The following CHRM3 variants were observed in gnomAD, a reference collection of about 807,000 sequenced individuals.
CHRM3 encodes muscarinic acetylcholine receptor M3.
A neutral mutation model predicts 41.8 loss-of-function variants in CHRM3; 11 were observed. The ratio of observed to expected loss-of-function variants is 0.26; its 90% CI spans 0.17 to 0.44. The LOEUF (loss-of-function observed/expected upper bound fraction) is 0.44, where lower values mean the gene tolerates loss of function less well. Ranked by LOEUF, CHRM3 falls within the 20% of genes least tolerant of loss-of-function variation. CHRM3 has a pLI of 1.00. For synonymous variants in CHRM3, 297 were observed against 301.4 expected, an observed-to-expected ratio of 0.99 and a Z score of 0.15; for missense variants, 571 against 745.4, an observed-to-expected ratio of 0.77 and a Z score of 2.72.
intron 1 of CHRM3, among the ~76,000 whole-genome samples, chr1:239,435,309 G>A (rs1398788962): frequency 6.6e-6 from 1 of 152,052 alleles, no homozygotes; most frequent in Non-Finnish European, 1.5e-5. Context: ...AATCAGCCGG[G>A]TGTGGTGGCG....
At chr1:239,562,615 C>T (rs1370309219) in intron 3 of CHRM3, among the ~76,000 whole-genome samples, 1 of 152,020 alleles carries the variant, frequency 6.6e-6, no homozygotes, top group Non-Finnish European at 1.5e-5. Flanking sequence ...TTGGGTCAGG[C>T]TTGGTGGCTC....
intron 3 of CHRM3, among the ~76,000 whole-genome samples, chr1:239,627,147 G>C (rs1229907953): frequency 4.5e-5 from 3 of 66,062 alleles, no homozygotes. Flanking sequence ...AAGTCTCTTT[G>C]TAGGTCACTC....
intron 2 of CHRM3, among the ~76,000 whole-genome samples, chr1:239,526,580 A>C (rs80048190): frequency 0.015 from 2,267 of 152,276 alleles, 43 homozygotes; most frequent in African/African-American, 0.044. Flanking sequence ...TGGCCTCAGC[A>C]AGCACACTGC....
At chr1:239,607,495 G>C (rs1001489656) in intron 3 of CHRM3, among the ~76,000 whole-genome samples, 1 of 151,992 alleles carries the variant, frequency 6.6e-6, no homozygotes, top group Non-Finnish European at 1.5e-5. Flanking sequence ...ACGTGCTTAC[G>C]AGACTGAAAT....
intron 1 of CHRM3, among the ~76,000 whole-genome samples, chr1:239,410,496 C>A (rs12129068): frequency 0.01 from 1,591 of 152,286 alleles, 14 homozygotes; most frequent in Non-Finnish European, 0.015. Flanking sequence ...AGGGCTGATA[C>A]CATCTCTGTA....
intron 3 of CHRM3, among the ~76,000 whole-genome samples, chr1:239,624,617 G>A (rs1264507280): frequency 1.3e-5 from 2 of 151,402 alleles, no homozygotes; most frequent in African/African-American, 2.4e-5. Flanking sequence ...TTCTTCTAGG[G>A]TATTTATGGT....
At chr1:239,899,307 G>GTGTA (rs1553299940) in intron 6 of CHRM3, among the ~76,000 whole-genome samples, 13 of 106,662 alleles carry the variant, frequency 1.2e-4, no homozygotes, top group African/African-American at 5.3e-4. Flanking sequence ...GTGTGTGTGT[G>GTGTA]TATATACACA....
Position 239,404,788 on chromosome 1 carries a change from AC to A in CHRM3, c.-521+17562del, listed in dbSNP as rs553606542. On this transcript the variant is annotated intron_variant, in intron 1 of 6. Coordinates refer to ENST00000676153, the MANE Select transcript of CHRM3 (RefSeq NM_001375978.1). ...ATATGGTTAACAATGTTCACAGGGT[AC>A]TATAAAAACAGAAAGTGTTATCTCA... Among the ~76,000 whole-genome samples the A allele has an allele frequency of 5.1e-3, 742 of 144,210 alleles. 7 individuals carry two copies. The highest frequency in any genetic ancestry group is 0.018 in the African/African-American group (716 of 39,698). The allele number at this position is 144,210 out of a possible 152,430, so 94.6% of individuals were successfully genotyped here.
At chr1:239,392,277 T>G (rs1199135512) in intron 1 of CHRM3, among the ~76,000 whole-genome samples, 2 of 152,172 alleles carry the variant, frequency 1.3e-5, no homozygotes, top group Non-Finnish European at 2.9e-5. Flanking sequence ...GACAAATAAA[T>G]TCTCCTTGTC....
intron 3 of CHRM3, among the ~76,000 whole-genome samples, chr1:239,567,900 C>T (rs72756764): frequency 3.3e-5 from 5 of 152,132 alleles, no homozygotes; most frequent in African/African-American, 7.2e-5. Flanking sequence ...GCCTCCACCT[C>T]TCTGGTTCCT....
chr1:239,760,869 T>C (rs535051566), intron 5 of CHRM3, among the ~76,000 whole-genome samples: 93 of 152,340 alleles, frequency 6.1e-4, no homozygotes, highest in African/African-American at 2.1e-3. Context: ...TTCTTGTGCT[T>C]GGCATTTGCC....
chr1:239,644,752 T>C (rs1011012529), intron 4 of CHRM3, among the ~76,000 whole-genome samples: 8 of 152,316 alleles, frequency 5.3e-5, no homozygotes, highest in African/African-American at 1.9e-4. Flanking sequence ...TCAGAAGGGC[T>C]GAGCTTTTGT....
chr1:239,578,448 A>C (rs796661829), intron 3 of CHRM3, among the ~76,000 whole-genome samples: 8 of 152,304 alleles, frequency 5.3e-5, no homozygotes, highest in African/African-American at 1.9e-4. Context: ...AATTTTTCCC[A>C]AAAATCTACA....
At chr1:239,764,064 G>A (rs1221180962) in intron 5 of CHRM3, among the ~76,000 whole-genome samples, 4 of 148,886 alleles carry the variant, frequency 2.7e-5, no homozygotes, top group East Asian at 2.0e-4. Flanking sequence ...GCCCTCCAGC[G>A]ACAGAGTGAG....
At chr1:239,694,463 G>T (rs958858058) in intron 5 of CHRM3, among the ~76,000 whole-genome samples, 1 of 152,214 alleles carries the variant, frequency 6.6e-6, no homozygotes, top group East Asian at 1.9e-4. Flanking sequence ...AAGGCTTAAC[G>T]TTCCAAAAAA....
At chr1:239,414,940 T>G (rs1189993640) in intron 1 of CHRM3, among the ~76,000 whole-genome samples, 1 of 152,168 alleles carries the variant, frequency 6.6e-6, no homozygotes, top group Non-Finnish European at 1.5e-5. Flanking sequence ...TATTAAGGAG[T>G]TAATATTTAA....
At chr1:239,760,177 G>T (rs765745937) in intron 5 of CHRM3, among the ~76,000 whole-genome samples, 2 of 151,116 alleles carry the variant, frequency 1.3e-5, no homozygotes, top group Non-Finnish European at 2.9e-5. Context: ...CGCCCACCTC[G>T]GCCCCCCAAA....
At chr1:239,758,193 G>T (rs1321909165) in intron 5 of CHRM3, among the ~76,000 whole-genome samples, 1 of 152,128 alleles carries the variant, frequency 6.6e-6, no homozygotes. Context: ...AAGAATTATA[G>T]CTCCTGAAAC....
At chr1:239,502,921 A>T (rs1002058391) in intron 2 of CHRM3, among the ~76,000 whole-genome samples, 1 of 152,146 alleles carries the variant, frequency 6.6e-6, no homozygotes, top group East Asian at 1.9e-4. Context: ...AATGTAATAA[A>T]AGCCATCTAT....
Sources: gnomAD v4.1 joint callset for allele counts (sites outside exome capture counted in the v4.1 genomes callset) on GRCh38, gnomAD v4.1.1 for gene constraint, MANE v1.5 for transcripts, NCBI Gene and HGNC (gene_info 2026-07-23, HGNC 2026-07-21) for gene names.